The following POGLUT3 variants were observed in gnomAD, a reference collection of about 807,000 sequenced individuals.
The protein encoded by POGLUT3 is protein O-glucosyltransferase 3, also known as KDEL (Lys-Asp-Glu-Leu) containing 2.
Under a neutral mutation model 54.3 loss-of-function variants are expected in POGLUT3, and 48 were observed. That is an observed-to-expected ratio of 0.88 (90% CI 0.70 to 1.12). The LOEUF is 1.12. POGLUT3 is among the 50% of genes most tolerant of loss of function. The probability of loss-of-function intolerance (pLI) is 0.00; values close to 1 mark genes in which losing one functional copy is unlikely to be tolerated. For synonymous variants in POGLUT3, 218 were observed against 237.4 expected, an observed-to-expected ratio of 0.92 and a Z score of 0.75; for missense variants, 629 against 618.7, an observed-to-expected ratio of 1.02 and a Z score of -0.18.
At chr11:108,486,648 C>T (rs1159196280) in intron 2 of POGLUT3, 3 of 545,886 alleles carry the variant, frequency 5.5e-6, no homozygotes, top group Admixed American at 3.2e-5. Context: ...TAGTATATGC[C>T]CTCTCCCAAT....
At chr11:108,477,128 G>A (rs1458955012) in intron 7 of POGLUT3, among the ~76,000 whole-genome samples, 2 of 152,042 alleles carry the variant, frequency 1.3e-5, no homozygotes, top group Non-Finnish European at 2.9e-5. Context: ...ACGGCTGGGC[G>A]TGGTGGCTCA....
chr11:108,497,928 C>A (rs1427412112), intron 1 of POGLUT3, among the ~76,000 whole-genome samples: 2 of 152,204 alleles, frequency 1.3e-5, no homozygotes, highest in East Asian at 1.9e-4. Context: ...TCAGTCCCTG[C>A]ACATTAAATG....
At chr11:108,486,628 A>G (rs1475176444) in intron 2 of POGLUT3, 188 bp from the exon 3 acceptor site, 2 of 613,100 alleles carry the variant, frequency 3.3e-6, no homozygotes, top group African/African-American at 3.7e-5. Flanking sequence ...ACCACCTTGG[A>G]TAAACAGTTT....
intron 6 of POGLUT3, among the ~76,000 whole-genome samples, chr11:108,478,534 T>G (rs1325770408): frequency 1.3e-5 from 2 of 152,232 alleles, no homozygotes; most frequent in African/African-American, 4.8e-5. Flanking sequence ...TAAAAGACTG[T>G]ATTGCTTTTG....
chr11:108,491,915 T>A (rs149667665), intron 1 of POGLUT3, among the ~76,000 whole-genome samples: 1 of 152,222 alleles, frequency 6.6e-6, no homozygotes, highest in Non-Finnish European at 1.5e-5. Flanking sequence ...TTCCTCCTTA[T>A]AAAACACACA....
chr11:108,478,897 G>A (rs1386192589), intron 6 of POGLUT3, among the ~76,000 whole-genome samples: 1 of 152,128 alleles, frequency 6.6e-6, no homozygotes, highest in African/African-American at 2.4e-5. Flanking sequence ...TGTATAACAC[G>A]CATTCATTAA....
chr11:108,488,501 G>A (rs2093607662), intron 2 of POGLUT3, among the ~76,000 whole-genome samples: 1 of 152,166 alleles, frequency 6.6e-6, no homozygotes, highest in Admixed American at 6.5e-5. Context: ...ACTGAGTTGA[G>A]GAGACAGAGC....
At chr11:108,490,825 C>T in intron 2 of POGLUT3, 145 bp downstream of exon 2, 7 of 553,408 alleles carry the variant, frequency 1.3e-5, no homozygotes, top group South Asian at 6.3e-5. Flanking sequence ...TTTTCTTTCC[C>T]TTAAAATTTA....
At position 108,474,880 on chromosome 11, in the gene POGLUT3, T is replaced by C; in HGVS notation, c.1471A>G (p.Ser491Gly). The C allele has an allele frequency of 2.5e-6, 4 of 1,614,026 alleles. No homozygotes were observed. Among genetic ancestry groups the C allele is most frequent in the Non-Finnish European group, 3.4e-6 (4 of 1,179,906 alleles). Residue 491 changes from serine (S) to glycine (G), a missense_variant, in exon 8 of 8, where the codon AGC (serine) becomes GGC (glycine). Physicochemically the swap from Ser to Gly is moderately conservative, Grantham distance 56. Transcript: ENST00000323468. ...CTGTGGCACTGGCAGATGGCTGTGC[T>C]ATCTTCTGGCTGAGGAACAAGTTCC... ...GMELVPQPED[S>G]TAICQCHRKK...
intron 7 of POGLUT3, 152 bp downstream of exon 7, chr11:108,477,455 C>G (rs1485764491): frequency 1.7e-6 from 1 of 586,512 alleles, no homozygotes; most frequent in East Asian, 3.0e-5. Flanking sequence ...GAAGACTTAG[C>G]ACTATCTTTC....
intron 7 of POGLUT3, among the ~76,000 whole-genome samples, 175 bp from the exon 8 acceptor site, chr11:108,475,127 A>G (rs2093578197): frequency 6.6e-6 from 1 of 152,124 alleles, no homozygotes; most frequent in African/African-American, 2.4e-5. Context: ...TTTAGCTATC[A>G]CAGGCACTAG....
At chr11:108,476,129 C>A (rs1204195376) in intron 7 of POGLUT3, among the ~76,000 whole-genome samples, 3 of 151,812 alleles carry the variant, frequency 2.0e-5, no homozygotes, top group Non-Finnish European at 4.4e-5. Flanking sequence ...CCTAGGTGAC[C>A]GAGTAAGAAA....
At chr11:108,492,304 TTAG>T (rs776277145) in intron 1 of POGLUT3, among the ~76,000 whole-genome samples, 3 of 152,212 alleles carry the variant, frequency 2.0e-5, no homozygotes, top group Non-Finnish European at 4.4e-5. Context: ...ACTGTTGTGA[TTAG>T]TGTTACTGTG....
chr11:108,497,541 G>C (rs1017265433), intron 1 of POGLUT3, among the ~76,000 whole-genome samples: 3 of 152,222 alleles, frequency 2.0e-5, no homozygotes, highest in African/African-American at 7.2e-5. Flanking sequence ...AACGTGGGAG[G>C]AGGACCGGGC....
chr11:108,489,483 C>G (rs1212999352), intron 2 of POGLUT3, among the ~76,000 whole-genome samples: 2 of 152,100 alleles, frequency 1.3e-5, no homozygotes, highest in South Asian at 2.1e-4. Flanking sequence ...AAAAGCAACA[C>G]AGATGAACAA....
chr11:108,498,194 T>C lies in POGLUT3; in HGVS notation c.173A>G (p.Glu58Gly). ...GGGAGAGCGAGTGAGGTTCTGGCCC[T>C]CCGAGTTGACCGCCTGCAGGTAGAA... The part of the protein sequence containing the change: ...RYFYLQAVNS[E>G]GQNLTRSPAG... The change falls in exon 1 of 8, where the codon GAG becomes GGG. Residue 58 changes from glutamate (E) to glycine (G), a missense_variant. By Grantham distance (98) the Glu-to-Gly change is moderately conservative (BLOSUM62 -2). Coordinates refer to ENST00000323468, the MANE Select transcript of POGLUT3 (RefSeq NM_153705.5). 6.6e-7 allele frequency: 1 copy of C among 1,520,326 alleles called. No individual in the cohort carries two copies. The highest frequency in any genetic ancestry group is 8.8e-7 in the Non-Finnish European group (1 of 1,135,910). The allele number at this position is 1,520,326 out of a possible 1,614,324, so 94.2% of individuals were successfully genotyped here.
At position 108,491,039 on chromosome 11, in the gene POGLUT3, C is replaced by G; in HGVS notation, c.331G>C (p.Asp111His). 6.2e-7 allele frequency: 1 copy of G among 1,614,006 alleles called. No homozygotes were observed. The highest frequency in any genetic ancestry group is 1.3e-5 in the African/African-American group (1 of 75,016). The part of the protein sequence containing the change: ...LMRYRMYETV[D>H]EGLKIEVLYG... ...AGGACCTCTATCTTCAGGCCTTCATCGACAGTTTCATACATCCTATATCTC... is the reference window on the plus strand; with the variant it reads ...AGGACCTCTATCTTCAGGCCTTCATGGACAGTTTCATACATCCTATATCTC... The change falls in exon 2 of 8, where the codon GAT (aspartate) becomes CAT (histidine). Residue 111 changes from aspartate (D) to histidine (H), a missense_variant. Transcript: ENST00000323468.
chr11:108,487,910 C>A (rs2093606568), intron 2 of POGLUT3, among the ~76,000 whole-genome samples: 1 of 151,736 alleles, frequency 6.6e-6, no homozygotes, highest in South Asian at 2.1e-4. Context: ...CCATGCCTGG[C>A]CATAAGTTTG....
intron 3 of POGLUT3, among the ~76,000 whole-genome samples, chr11:108,484,934 T>G (rs1266408889): frequency 6.6e-6 from 1 of 151,702 alleles, no homozygotes; most frequent in African/African-American, 2.4e-5. Context: ...AAAGAGAGGC[T>G]GAATAGTGAG....
Sources: allele counts gnomAD v4.1 joint callset (sites outside exome capture counted in the v4.1 genomes callset), GRCh38; gene constraint gnomAD v4.1.1; transcripts MANE v1.5; gene names NCBI Gene and HGNC (gene_info 2026-07-23, HGNC 2026-07-21).